CLASP1: variants seen among roughly 807,000 people sequenced by gnomAD.
CLASP1 encodes cytoplasmic linker associated protein 1, also known as CLIP-associating protein 1.
In CLASP1, 38 loss-of-function variants were observed where a neutral mutation model predicts 192.3. The observed-to-expected ratio is 0.20, with a 90% CI of 0.15 to 0.26. CLASP1 has a LOEUF of 0.26. Ranked by LOEUF, CLASP1 falls within the 10% of genes least tolerant of loss-of-function variation. The pLI is 1.00. For missense variants in CLASP1, 1,433 were observed against 1,932.5 expected, an observed-to-expected ratio of 0.74 and a Z score of 4.85; for synonymous variants, 691 against 712.8, an observed-to-expected ratio of 0.97 and a Z score of 0.49.
intron 1 of CLASP1, among the ~76,000 whole-genome samples, chr2:121,647,105 C>A (rs958291159): frequency 1.3e-5 from 2 of 151,676 alleles, no homozygotes; most frequent in Non-Finnish European, 2.9e-5. Context: ...CGATTGCTCA[C>A]GCCTGTAATC....
At chr2:121,411,495 C>T (rs1316127866) in intron 23 of CLASP1, among the ~76,000 whole-genome samples, 2 of 152,006 alleles carry the variant, frequency 1.3e-5, no homozygotes, top group Non-Finnish European at 2.9e-5. Context: ...CGTCACGATG[C>T]CTGTGTCAAC....
In CLASP1 at chr2:121,348,387, C is replaced by T. The variant is rs139043090; in HGVS notation, c.4413+125G>A. 497 of 806,924 alleles carry T rather than the reference C, an allele frequency of 6.2e-4. 3 individuals are homozygous for T. The African/African-American group carries it at 7.0e-3, about 11-fold the overall frequency. 50.0% of individuals were successfully genotyped at this position (806,924 alleles called of 1,614,324 possible). On this transcript the variant is annotated intron_variant, in intron 38 of 39. Transcript: ENST00000263710. ...GAAGTGTCCCTGCCACACGGCCTCA[C>T]AGGTCCTGCCTGGTTTTTCCTACCC...
intron 1 of CLASP1, among the ~76,000 whole-genome samples, chr2:121,614,512 CA>C (rs1312228817): frequency 6.6e-6 from 1 of 151,726 alleles, no homozygotes; most frequent in African/African-American, 2.4e-5. Context: ...CAAAACAAAA[CA>C]AAAAACAAAA....
intron 8 of CLASP1, among the ~76,000 whole-genome samples, chr2:121,502,104 C>A (rs116564765): frequency 3.9e-5 from 6 of 152,124 alleles, no homozygotes; most frequent in Non-Finnish European, 8.8e-5. Context: ...GAATTACCCA[C>A]TAGTTCTCAA....
intron 8 of CLASP1, among the ~76,000 whole-genome samples, chr2:121,492,726 TAG>T (rs2093374752): frequency 6.8e-6 from 1 of 147,650 alleles, no homozygotes; most frequent in Non-Finnish European, 1.5e-5. Context: ...TGGTAAAGGC[TAG>T]AGAGAATATA....
intron 2 of CLASP1, among the ~76,000 whole-genome samples, chr2:121,594,263 G>A (rs1376626543): frequency 2.0e-5 from 3 of 150,024 alleles, no homozygotes; most frequent in African/African-American, 7.4e-5. Flanking sequence ...TCGCACCACT[G>A]CACTCCAGCC....
At chr2:121,418,820 T>A (rs918768632) in intron 22 of CLASP1, 91 bp from the exon 23 acceptor site, 6 of 932,864 alleles carry the variant, frequency 6.4e-6, no homozygotes, top group Non-Finnish European at 1.7e-6. Flanking sequence ...TTGGTTAATG[T>A]AATTACGACA....
chr2:121,485,620 T>C (rs2092918798), intron 8 of CLASP1, among the ~76,000 whole-genome samples: 1 of 152,028 alleles, frequency 6.6e-6, no homozygotes, highest in African/African-American at 2.4e-5. Context: ...TCTCAGCACT[T>C]TGGGAGGTCA....
At chr2:121,451,563 T>C (rs1370811790) in intron 15 of CLASP1, among the ~76,000 whole-genome samples, 1 of 152,276 alleles carries the variant, frequency 6.6e-6, no homozygotes, top group African/African-American at 2.4e-5. Flanking sequence ...ACATTGGCTC[T>C]GCAGCTGTCA....
exon 14 of CLASP1, chr2:121,457,728 G>A (rs1356576246): frequency 3.1e-6 from 5 of 1,613,232 alleles, no homozygotes; most frequent in Middle Eastern, 1.7e-4. Context: ...TGCTTGTTAT[G>A]ACAGGTATTA....
chr2:121,504,743 C>G (rs1323493403), intron 7 of CLASP1, among the ~76,000 whole-genome samples: 1 of 152,226 alleles, frequency 6.6e-6, no homozygotes, highest in East Asian at 1.9e-4. Flanking sequence ...GCCTGATGCA[C>G]TGCCTCCCCC....
At chr2:121,363,592 G>A (rs546966766) in intron 36 of CLASP1, among the ~76,000 whole-genome samples, 29 of 152,224 alleles carry the variant, frequency 1.9e-4, no homozygotes, top group Non-Finnish European at 3.7e-4. Context: ...GAGACCAAAT[G>A]AGGATGATAT....
At chr2:121,574,763 C>G (rs949337085) in intron 2 of CLASP1, among the ~76,000 whole-genome samples, 4 of 151,986 alleles carry the variant, frequency 2.6e-5, no homozygotes, top group African/African-American at 9.7e-5. Flanking sequence ...ATGATGAAAC[C>G]CTGTCTCTAC....
intron 2 of CLASP1, among the ~76,000 whole-genome samples, chr2:121,573,253 C>T (rs1237762033): frequency 6.6e-6 from 1 of 152,212 alleles, no homozygotes; most frequent in Non-Finnish European, 1.5e-5. Flanking sequence ...AGCCACCGCG[C>T]CCAGCTGAAA....
chr2:121,417,272 G>A (rs1159000858), intron 23 of CLASP1, among the ~76,000 whole-genome samples: 1 of 151,978 alleles, frequency 6.6e-6, no homozygotes, highest in Admixed American at 6.6e-5. Context: ...ATGCTTCCAC[G>A]GACAGTATCA....
At chr2:121,522,051 T>C (rs1473078447) in intron 6 of CLASP1, among the ~76,000 whole-genome samples, 1 of 152,060 alleles carries the variant, frequency 6.6e-6, no homozygotes, top group Non-Finnish European at 1.5e-5. Flanking sequence ...ATAATTAACT[T>C]GGTTAGTATC....
At chr2:121,484,318 A>G (rs2092823049) in intron 8 of CLASP1, among the ~76,000 whole-genome samples, 1 of 152,162 alleles carries the variant, frequency 6.6e-6, no homozygotes, top group African/African-American at 2.4e-5. Flanking sequence ...CACTACCTTC[A>G]GCTTCCCTCT....
At chr2:121,604,734 A>ATAGG (rs2064211773) in intron 2 of CLASP1, among the ~76,000 whole-genome samples, 1 of 152,232 alleles carries the variant, frequency 6.6e-6, no homozygotes. Context: ...TATTAGGGCA[A>ATAGG]TAGGTAACGT....
intron 2 of CLASP1, among the ~76,000 whole-genome samples, chr2:121,558,769 T>G (rs2058807477): frequency 1.3e-5 from 2 of 152,218 alleles, no homozygotes; most frequent in Admixed American, 6.5e-5. Flanking sequence ...AATGGACTAA[T>G]ACACTCTTGC....
Sources: allele counts gnomAD v4.1 joint callset (sites outside exome capture counted in the v4.1 genomes callset), GRCh38; gene constraint gnomAD v4.1.1; transcripts MANE v1.5; gene names NCBI Gene and HGNC (gene_info 2026-07-23, HGNC 2026-07-21).